Variants in NCKAP1 observed in about 807,000 individuals in gnomAD.
NCKAP1 encodes NCK associated protein 1.
NCKAP1 carries 21 observed loss-of-function variants against 151.2 expected under a neutral mutation model. That is an observed-to-expected ratio of 0.14 (90% CI 0.10 to 0.20). The LOEUF (loss-of-function observed/expected upper bound fraction) is 0.20. Ranked by LOEUF, NCKAP1 falls within the 10% of genes least tolerant of loss-of-function variation. The pLI, the probability that NCKAP1 is intolerant of heterozygous loss-of-function variation, is 1.00. For synonymous variants in NCKAP1, 484 were observed against 451.8 expected, an observed-to-expected ratio of 1.07 and a Z score of -0.90; for missense variants, 933 against 1,352.1, an observed-to-expected ratio of 0.69 and a Z score of 4.86.
intron 23 of NCKAP1, 60 bp from the exon 24 acceptor site, chr2:182,942,223 A>C (rs547741973): frequency 1.5e-6 from 2 of 1,299,768 alleles, no homozygotes; most frequent in African/African-American, 3.0e-5. Flanking sequence ...ATGAGATAAG[A>C]GCATGCTTGG....
chr2:183,030,541 C>T (rs1698985064), intron 1 of NCKAP1, among the ~76,000 whole-genome samples: 1 of 152,116 alleles, frequency 6.6e-6, no homozygotes, highest in African/African-American at 2.4e-5. Context: ...GCACAGAAAC[C>T]AGCCCCATCT....
intron 15 of NCKAP1, 29 bp from the exon 16 acceptor site, chr2:182,967,390 T>A (rs1284485602): frequency 6.4e-7 from 1 of 1,558,926 alleles, no homozygotes; most frequent in Non-Finnish European, 8.7e-7. Flanking sequence ...AAAAAGTAGT[T>A]CAGGTAAACA....
chr2:182,927,046 T>G, intron 29 of NCKAP1, 141 bp from the exon 30 acceptor site: 1 of 559,726 alleles, frequency 1.8e-6, no homozygotes, highest in South Asian at 2.4e-5. Flanking sequence ...TAAGATGAGC[T>G]TAGATAGCCT....
chr2:182,909,234 GCATA>G lies in NCKAP1; in HGVS notation c.*16464_*16467del. On this transcript the variant is annotated 3_prime_UTR_variant, in exon 31 of 31. Coordinates refer to ENST00000361354, the MANE Select transcript of NCKAP1 (RefSeq NM_013436.5). ...AATTTACCGTTTCAACCATTTTTAA[GCATA>G]CAGTTCTGTGGCATTAAGTACATTC... 1 of 152,224 alleles carries G rather than the reference GCATA, an allele frequency of 6.6e-6. No individual in the cohort carries two copies. Among genetic ancestry groups the G allele is most frequent in the African/African-American group, 2.4e-5 (1 of 41,524 alleles). The allele number at this position is 152,224 out of a possible 1,614,324, so 9.4% of individuals were successfully genotyped here.
In NCKAP1 at chr2:182,964,773, T is replaced by C. The variant is rs41270215; in HGVS notation, c.1664A>G (p.Gln555Arg). 10 of 1,607,822 alleles carry C rather than the reference T, an allele frequency of 6.2e-6. No homozygotes were observed. Among genetic ancestry groups the C allele is most frequent in the African/African-American group, 1.3e-5 (1 of 74,774 alleles). The stretch of plus-strand genomic sequence containing the variant: ...TGATTGAGAGGGTAACTCCAAACAC[T>C]GTTGAAACATCTTCTCAAAAGCACG... ...YSRAFEKMFQ[Q>R]CLELPSQSRY... Residue 555 changes from glutamine (Q) to arginine (R), a missense_variant, in exon 17 of 31, where the codon CAG becomes CGG. Coordinates refer to ENST00000361354, the MANE Select transcript of NCKAP1 (RefSeq NM_013436.5).
chr2:183,008,657 T>A (rs1698528720), intron 2 of NCKAP1, among the ~76,000 whole-genome samples: 1 of 152,190 alleles, frequency 6.6e-6, no homozygotes, highest in African/African-American at 2.4e-5. Context: ...TCACCTCACT[T>A]CTCTTCAGTG....
intron 1 of NCKAP1, among the ~76,000 whole-genome samples, chr2:183,034,317 A>G (rs1164581423): frequency 1.3e-5 from 2 of 152,184 alleles, no homozygotes; most frequent in Admixed American, 6.5e-5. Context: ...ATGTTTTTAA[A>G]GAAGTAAAAC....
chr2:182,955,777 A>AT (rs1207654689), intron 20 of NCKAP1, among the ~76,000 whole-genome samples: 2 of 151,516 alleles, frequency 1.3e-5, no homozygotes, highest in Non-Finnish European at 1.5e-5. Context: ...TTTTTTTCCT[A>AT]TTTTTTCTTC....
intron 2 of NCKAP1, among the ~76,000 whole-genome samples, chr2:183,005,437 T>C (rs1698452223): frequency 6.6e-6 from 1 of 152,160 alleles, no homozygotes; most frequent in Non-Finnish European, 1.5e-5. Context: ...CCTACAGACC[T>C]TAAAAGAACC....
intron 23 of NCKAP1, among the ~76,000 whole-genome samples, chr2:182,942,670 T>G (rs544891034): frequency 1.1e-4 from 17 of 151,882 alleles, no homozygotes; most frequent in Non-Finnish European, 1.8e-4. Context: ...CAACAAAAAT[T>G]ATAAAATGGA....
intron 20 of NCKAP1, among the ~76,000 whole-genome samples, chr2:182,955,498 T>C (rs893073055): frequency 1.4e-4 from 22 of 152,300 alleles, no homozygotes; most frequent in African/African-American, 4.3e-4. Flanking sequence ...CTATTTCATA[T>C]ACATACATAA....
intron 18 of NCKAP1, among the ~76,000 whole-genome samples, chr2:182,960,400 C>G (rs1697421658): frequency 1.3e-5 from 2 of 152,152 alleles, no homozygotes; most frequent in Admixed American, 1.3e-4. Context: ...ACCAATGGAA[C>G]AGAACAAAGC....
chr2:183,033,173 C>T (rs1699038752), intron 1 of NCKAP1, among the ~76,000 whole-genome samples: 1 of 152,202 alleles, frequency 6.6e-6, no homozygotes, highest in African/African-American at 2.4e-5. Context: ...CAGTACACTG[C>T]AGAGTATCAG....
intron 20 of NCKAP1, among the ~76,000 whole-genome samples, chr2:182,956,163 C>A (rs1439166926): frequency 6.6e-6 from 1 of 152,154 alleles, no homozygotes; most frequent in Non-Finnish European, 1.5e-5. Context: ...GCCTCAGCCT[C>A]CCGAGTAGCT....
intron 2 of NCKAP1, among the ~76,000 whole-genome samples, chr2:183,014,779 A>C (rs539334291): frequency 6.6e-6 from 1 of 152,368 alleles, no homozygotes; most frequent in African/African-American, 2.4e-5. Context: ...AACATGCTAA[A>C]GGTACTTAAA....
At position 182,952,941 on chromosome 2, in the gene NCKAP1, C is replaced by T; in HGVS notation, c.2373-18G>A. On this transcript the variant is annotated intron_variant, in intron 21 of 30. Transcript: ENST00000361354. ...CCAAATACCTAAGGAGAAACGTAAA[C>T]TTATAACCGGAAGAAACTGCTTAAT... The T allele has an allele frequency of 6.3e-7, 1 of 1,599,122 alleles. No individual in the cohort carries two copies. Among genetic ancestry groups the T allele is most frequent in the Non-Finnish European group, 8.5e-7 (1 of 1,174,762 alleles).
chr2:182,929,041 TA>T, intron 27 of NCKAP1, 142 bp from the exon 28 acceptor site: 1 of 573,670 alleles, frequency 1.7e-6, no homozygotes, highest in East Asian at 2.9e-5. Flanking sequence ...TAGCATTCTA[TA>T]GAATTGGTCA....
chr2:182,984,059 AAACTGACT>A (rs1697997554), intron 10 of NCKAP1, among the ~76,000 whole-genome samples: 1 of 76,048 alleles, frequency 1.3e-5, no homozygotes, highest in Admixed American at 1.6e-4. Flanking sequence ...TTGAAGGCAA[AAACTGACT>A]AACTGTATAC....
intron 6 of NCKAP1, among the ~76,000 whole-genome samples, chr2:183,001,072 G>A (rs890150327): frequency 6.6e-6 from 1 of 152,216 alleles, no homozygotes. Context: ...CGGCTGGGGC[G>A]ACAGAGCGAG....
Sources: gnomAD v4.1 joint callset for allele counts (sites outside exome capture counted in the v4.1 genomes callset) on GRCh38, gnomAD v4.1.1 for gene constraint, MANE v1.5 for transcripts, NCBI Gene and HGNC (gene_info 2026-07-23, HGNC 2026-07-21) for gene names.